TMCC3: variants seen among roughly 807,000 people sequenced by gnomAD.
TMCC3 encodes transmembrane and coiled-coil domain family 3, also known as transmembrane and coiled-coil domain protein 3.
A neutral mutation model predicts 40.2 loss-of-function variants in TMCC3; 28 were observed. That is an observed-to-expected ratio of 0.70 (90% CI 0.52 to 0.95). TMCC3 has a LOEUF of 0.95. Ranked by LOEUF, TMCC3 falls within the 40% of genes least tolerant of loss-of-function variation. The pLI, the probability that TMCC3 is intolerant of heterozygous loss-of-function variation, is 0.00. For missense variants in TMCC3, 554 were observed against 615.2 expected, an observed-to-expected ratio of 0.90 and a Z score of 1.05; for synonymous variants, 255 against 248.5, an observed-to-expected ratio of 1.03 and a Z score of -0.25.
rs1232963698 is a variant in TMCC3, at chr12:94,590,260, A to T, written c.79-7722T>A. 2.8e-3 allele frequency among the ~76,000 whole-genome samples: 243 copies of T among 85,376 alleles called. 1 individual carries two copies. The highest frequency in any genetic ancestry group is 0.013 in the African/African-American group (234 of 18,248). The allele number at this position is 85,376 out of a possible 152,430, so 56.0% of individuals were successfully genotyped here. A position where few individuals can be genotyped will look rare whatever the true frequency, so the allele number is the denominator to read the frequency against. ...AGGTGAGTGCCACCACGCCCTGCTAATTTTTTTTTTTTTTTTTTTTTTTTT... is the reference window on the plus strand; with the variant it reads ...AGGTGAGTGCCACCACGCCCTGCTATTTTTTTTTTTTTTTTTTTTTTTTTT... On this transcript the variant is annotated intron_variant, in intron 1 of 3. Coordinates refer to ENST00000261226, the MANE Select transcript of TMCC3 (RefSeq NM_020698.4).
chr12:94,607,481 T>C (rs560639608), intron 1 of TMCC3, among the ~76,000 whole-genome samples: 25 of 152,342 alleles, frequency 1.6e-4, no homozygotes, highest in Admixed American at 1.2e-3. Flanking sequence ...TAAGAAATTA[T>C]AAAAGTATTA....
intron 1 of TMCC3, among the ~76,000 whole-genome samples, chr12:94,624,726 AT>A (rs137965000): frequency 0.3 from 45,083 of 151,456 alleles, 7,095 homozygotes; most frequent in East Asian, 0.56. Flanking sequence ...TTAAAAAAAA[AT>A]ATATTGTTCA....
At position 94,650,519 on chromosome 12, in the gene TMCC3, G is replaced by T. The variant is rs942966717; in HGVS notation, c.-89C>A. ...TGCTCGGGATCACCCTGGGAGCCGCGGGCGAGGGGGCGGCGCGGCTGCTGC... is the reference window on the plus strand; with the variant it reads ...TGCTCGGGATCACCCTGGGAGCCGCTGGCGAGGGGGCGGCGCGGCTGCTGC... On this transcript the variant is annotated 5_prime_UTR_variant, in exon 1 of 4. Coordinates refer to ENST00000261226, the MANE Select transcript of TMCC3 (RefSeq NM_020698.4). 2 of 1,049,736 alleles carry T rather than the reference G, an allele frequency of 1.9e-6. No homozygotes were observed. Among genetic ancestry groups the T allele is most frequent in the Non-Finnish European group, 1.2e-6 (1 of 831,376 alleles). The allele number at this position is 1,049,736 out of a possible 1,614,324, so 65.0% of individuals were successfully genotyped here.
chr12:94,627,068 G>A (rs764939229), intron 1 of TMCC3, among the ~76,000 whole-genome samples: 2 of 151,908 alleles, frequency 1.3e-5, no homozygotes, highest in Non-Finnish European at 2.9e-5. Context: ...CACCATGTTG[G>A]CCAGGCTGGT....
chr12:94,572,063 G>A lies in TMCC3; in HGVS notation c.1132-326C>T, dbSNP rs146061053. On this transcript the variant is annotated intron_variant, in intron 3 of 3. Transcript: ENST00000261226. ...TCGCCAGGCTGGAGTGCAGTGGTGCGATCTCAGCTCACTGCAACCTCCGCC... is the reference window on the plus strand; with the variant it reads ...TCGCCAGGCTGGAGTGCAGTGGTGCAATCTCAGCTCACTGCAACCTCCGCC... Among the ~76,000 whole-genome samples, 399 of 152,210 alleles carry A rather than the reference G, an allele frequency of 2.6e-3. 1 individual carries two copies. Among genetic ancestry groups the A allele is most frequent in the African/African-American group, 7.7e-3 (321 of 41,546 alleles).
intron 1 of TMCC3, among the ~76,000 whole-genome samples, chr12:94,583,693 A>T (rs1331599480): frequency 6.6e-6 from 1 of 152,194 alleles, no homozygotes; most frequent in African/African-American, 2.4e-5. Context: ...GATGCCTCTC[A>T]TGGGTTGTCT....
At chr12:94,634,231 C>G (rs1255492644) in intron 1 of TMCC3, among the ~76,000 whole-genome samples, 1 of 152,068 alleles carries the variant, frequency 6.6e-6, no homozygotes, top group Non-Finnish European at 1.5e-5. Flanking sequence ...AGGCATGAAC[C>G]ACCGTGCCTG....
chr12:94,575,112 A>G (rs2068555876), intron 3 of TMCC3, among the ~76,000 whole-genome samples: 1 of 152,096 alleles, frequency 6.6e-6, no homozygotes, highest in Non-Finnish European at 1.5e-5. Flanking sequence ...GGTTTAAAAA[A>G]CCACTCAGTT....
Position 94,593,413 on chromosome 12 carries a change from A to AGAAGAAG in TMCC3, c.79-10882_79-10876dup, listed in dbSNP as rs1420076612. 2.4e-5 allele frequency among the ~76,000 whole-genome samples: 2 copies of AGAAGAAG among 83,848 alleles called. 1 individual carries two copies. Among genetic ancestry groups the AGAAGAAG allele is most frequent in the East Asian group, 6.1e-4 (2 of 3,270 alleles). 55.0% of individuals were successfully genotyped at this position (83,848 alleles called of 152,430 possible). A position where few individuals can be genotyped will look rare whatever the true frequency, so the allele number is the denominator to read the frequency against. ...AAGAAAGAAGAAAGAAGAAGAAGGA[A>AGAAGAAG]GAAGAAGAAGGAAGAAGAAGGAGAA... On this transcript the variant is annotated intron_variant, in intron 1 of 3. Coordinates refer to ENST00000261226, the MANE Select transcript of TMCC3 (RefSeq NM_020698.4).
At chr12:94,583,776 AT>A (rs1302176495) in intron 1 of TMCC3, among the ~76,000 whole-genome samples, 1 of 152,200 alleles carries the variant, frequency 6.6e-6, no homozygotes, top group African/African-American at 2.4e-5. Context: ...TAAGGCCAGG[AT>A]TTGAATCCAA....
rs187194899 is a variant in TMCC3 at position 94,572,379 on chromosome 12, C to T, written c.1132-642G>A. ...AGGCTGGAGTGCAGTGGCGTGATCT[C>T]GGCTCACTGCAACCTCTGCCTTCTG... On this transcript the variant is annotated intron_variant, in intron 3 of 3. Transcript: ENST00000261226. Among the ~76,000 whole-genome samples, 403 of 135,408 alleles carry T rather than the reference C, an allele frequency of 3.0e-3. 1 individual carries two copies. The highest frequency in any genetic ancestry group is 4.5e-3 in the Non-Finnish European group (296 of 65,798). The allele number at this position is 135,408 out of a possible 152,430, so 88.8% of individuals were successfully genotyped here.
intron 1 of TMCC3, among the ~76,000 whole-genome samples, chr12:94,649,687 T>C (rs2069042213): frequency 6.6e-6 from 1 of 152,222 alleles, no homozygotes; most frequent in African/African-American, 2.4e-5. Context: ...TTTGAAGCCC[T>C]ACAGGGCTCG....
rs1444059467 is a variant in TMCC3 at position 94,571,551 on chromosome 12, T to C, written c.1318A>G (p.Met440Val). ...CCAAGAATGTGGCAGCGACTCTTCATCATGGGTGAGACGAACTTCGCGATG... is the reference window on the plus strand; with the variant it reads ...CCAAGAATGTGGCAGCGACTCTTCACCATGGGTGAGACGAACTTCGCGATG... ...STIAKFVSPMMKSRCHILGTF... is the reference protein window; with the variant it reads ...STIAKFVSPMVKSRCHILGTF... Residue 440 changes from methionine to valine, a missense_variant, in exon 4 of 4, where the codon ATG becomes GTG. By Grantham distance (21) the Met-to-Val change is conservative. Transcript: ENST00000261226. 1.2e-6 allele frequency: 2 copies of C among 1,614,142 alleles called. No homozygotes were observed.
At chr12:94,589,986 A>G (rs544221609) in intron 1 of TMCC3, among the ~76,000 whole-genome samples, 1 of 152,298 alleles carries the variant, frequency 6.6e-6, no homozygotes, top group East Asian at 1.9e-4. Flanking sequence ...GGCTTCGTTT[A>G]GACTACTCTG....
rs181545066 is a variant in TMCC3 at position 94,620,272 on chromosome 12, A to T, written c.78+30081T>A. Among the ~76,000 whole-genome samples the T allele has an allele frequency of 1.8e-3, 259 of 147,936 alleles. 1 individual carries two copies. The highest frequency in any genetic ancestry group is 6.0e-3 in the African/African-American group (245 of 40,504). ...CTTTAAGCCCTTTAGTACTGTGGAAATTTTTTTTTTTTAATAATTATTATT... is the reference window on the plus strand; with the variant it reads ...CTTTAAGCCCTTTAGTACTGTGGAATTTTTTTTTTTTTAATAATTATTATT... On this transcript the variant is annotated intron_variant, in intron 1 of 3. Transcript: ENST00000261226.
At chr12:94,643,362 AAAG>A (rs1386678718) in intron 1 of TMCC3, among the ~76,000 whole-genome samples, 1 of 152,190 alleles carries the variant, frequency 6.6e-6, no homozygotes, top group African/African-American at 2.4e-5. Flanking sequence ...ACATGGCTCA[AAAG>A]AAGGTGTGAA....
At chr12:94,581,454 A>G (rs2068600424) in intron 2 of TMCC3, among the ~76,000 whole-genome samples, 168 bp downstream of exon 2, 2 of 152,142 alleles carry the variant, frequency 1.3e-5, no homozygotes, top group African/African-American at 4.8e-5. Flanking sequence ...ATTTCAAGCA[A>G]TCTCTCTGCA....
rs80190854 is a variant in TMCC3, at chr12:94,571,768, C to T, written c.1132-31G>A. 3,785 of 1,608,774 alleles carry T rather than the reference C, an allele frequency of 2.4e-3. 80 individuals carry two copies. The African/African-American group carries it at 0.042, about 18-fold the overall frequency. On this transcript the variant is annotated intron_variant, in intron 3 of 3. Coordinates refer to ENST00000261226, the MANE Select transcript of TMCC3 (RefSeq NM_020698.4). ...AGCAAGAGGGAGAGCAAGGGTCAAA[C>T]GGTGTTGGGATGGTGAGCAACACGT...
Position 94,582,425 on chromosome 12 carries a change from G to T in TMCC3, c.192C>A (p.Val64=). 1 of 1,613,914 alleles carries T rather than the reference G, an allele frequency of 6.2e-7. No homozygotes were observed. Among genetic ancestry groups the T allele is most frequent in the South Asian group, 1.1e-5 (1 of 91,056 alleles). The change falls in exon 2 of 4, where the codon GTC becomes GTA. Residue 64 remains valine, a synonymous_variant. Coordinates refer to ENST00000261226, the MANE Select transcript of TMCC3 (RefSeq NM_020698.4). Reference sequence around the variant, plus strand: ...GCTTCAGGCTGTCTGCAGTGAGTTTGACCTTGTGGAAGTCCAGGATGCCAT... The same window carrying T: ...GCTTCAGGCTGTCTGCAGTGAGTTTTACCTTGTGGAAGTCCAGGATGCCAT... ...VPDGILDFHK[V]KLTADSLKQK...
Sources: allele counts gnomAD v4.1 joint callset (sites outside exome capture counted in the v4.1 genomes callset), GRCh38; gene constraint gnomAD v4.1.1; transcripts MANE v1.5; gene names NCBI Gene and HGNC (gene_info 2026-07-23, HGNC 2026-07-21).